The following DIS3L2 variants were observed in gnomAD, a reference collection of about 807,000 sequenced individuals.
DIS3L2 encodes DIS3-like exonuclease 2.
A neutral mutation model predicts 97.5 loss-of-function variants in DIS3L2; 34 were observed. The observed-to-expected ratio is 0.35, with a 90% confidence interval of 0.27 to 0.46. DIS3L2 has a LOEUF of 0.46. DIS3L2 is among the 20% of genes least tolerant of loss of function. The pLI, the probability that DIS3L2 is intolerant of heterozygous loss-of-function variation, is 1.00. For missense variants in DIS3L2, 1,038 were observed against 1,146.0 expected, an observed-to-expected ratio of 0.91 and a Z score of 1.36; for synonymous variants, 435 against 445.2, an observed-to-expected ratio of 0.98 and a Z score of 0.29.
chr2:232,220,874 G>A (rs182267562), intron 10 of DIS3L2, among the ~76,000 whole-genome samples: 9 of 151,930 alleles, frequency 5.9e-5, no homozygotes, highest in Non-Finnish European at 1.0e-4. Context: ...AGGCTGAGGC[G>A]GGTGGATCAC....
At chr2:231,982,730 A>AGT (rs1160869023) in intron 1 of DIS3L2, among the ~76,000 whole-genome samples, 10 of 148,894 alleles carry the variant, frequency 6.7e-5, no homozygotes, top group Non-Finnish European at 4.4e-5. Flanking sequence ...CCCAGGCTGG[A>AGT]GTGTAGTGGC....
At position 232,343,617 on chromosome 2, in the gene DIS3L2, T is replaced by C. The variant is rs953060764; in HGVS notation, c.*42T>C. The C allele has an allele frequency of 3.2e-6, 5 of 1,563,230 alleles. No homozygotes were observed. In the South Asian group the frequency reaches 5.9e-5, roughly 18 times the overall value. ...CCTTGTGGCGGAGAAGGAAAGATTA[T>C]GGAAAGAAAGTAAACAGGTAAAGGC... On this transcript the variant is annotated 3_prime_UTR_variant, in exon 14 of 14. Transcript: ENST00000273009.
intron 4 of DIS3L2, among the ~76,000 whole-genome samples, chr2:232,026,241 A>C (rs1694652643): frequency 6.6e-6 from 1 of 152,096 alleles, no homozygotes; most frequent in African/African-American, 2.4e-5. Context: ...CATCAAGTAA[A>C]ATATATTATT....
intron 1 of DIS3L2, among the ~76,000 whole-genome samples, chr2:232,007,123 G>T (rs1694073135): frequency 6.6e-6 from 1 of 152,184 alleles, no homozygotes; most frequent in African/African-American, 2.4e-5. Context: ...TCTTACATTG[G>T]TTGTGTGCTA....
At position 232,293,011 on chromosome 2, in the gene DIS3L2, G is replaced by T. The variant is rs1196185461; in HGVS notation, c.1660-7029G>T. 6.6e-6 allele frequency among the ~76,000 whole-genome samples: 1 copy of T among 152,156 alleles called. No individual in the cohort carries two copies. The highest frequency in any genetic ancestry group is 1.5e-5 in the Non-Finnish European group (1 of 68,036). ...TCTGGAGAGAGAAAGACCTTGTGAA[G>T]TCTGAGTGGCTGCCATTCTTGCAGG... On this transcript the variant is annotated intron_variant, in intron 13 of 20. Transcript: ENST00000325385. This position sits in a 1 kb window ranked among gnomAD's most constrained non-coding sequence, Gnocchi z 4.6.
chr2:232,116,026 G>T (rs114851778), intron 6 of DIS3L2, among the ~76,000 whole-genome samples: 527 of 152,130 alleles, frequency 3.5e-3, no homozygotes, highest in African/African-American at 0.012. Flanking sequence ...ACAAAAATTA[G>T]CCTGGCATGG....
chr2:232,003,667 A>C (rs996493789), intron 1 of DIS3L2, among the ~76,000 whole-genome samples: 2 of 152,092 alleles, frequency 1.3e-5, no homozygotes, highest in Non-Finnish European at 2.9e-5. Flanking sequence ...TATCTGAAAA[A>C]TGTCTTTGTT....
rs547392606 is a variant in DIS3L2 at position 232,334,053 on chromosome 2, G to A, written c.2158+66G>A. On this transcript the variant is annotated intron_variant, in intron 17 of 20. Coordinates refer to ENST00000325385, the MANE Select transcript of DIS3L2 (RefSeq NM_152383.5). The stretch of plus-strand genomic sequence containing the variant: ...TCAGGGCTGCCCACCCCCACAGTGG[G>A]TGCTCAGTGGCCCAAGACCATTCTG... The A allele has an allele frequency of 6.5e-5, 100 of 1,545,462 alleles. 2 individuals are homozygous for A. The South Asian group carries it at 1.2e-3, about 19-fold the overall frequency.
intron 5 of DIS3L2, among the ~76,000 whole-genome samples, chr2:232,060,383 T>TAAAATTAAGA (rs1304028515): frequency 1.2e-4 from 19 of 152,268 alleles, no homozygotes; most frequent in Non-Finnish European, 2.9e-5. Flanking sequence ...AGATTTAAGT[T>TAAAATTAAGA]TTTAATCCAT....
chr2:232,067,611 A>T (rs1240096365), intron 5 of DIS3L2, among the ~76,000 whole-genome samples: 1 of 152,172 alleles, frequency 6.6e-6, no homozygotes, highest in Non-Finnish European at 1.5e-5. Flanking sequence ...GCAGTTGTTC[A>T]GTGTTATGCT....
intron 11 of DIS3L2, among the ~76,000 whole-genome samples, chr2:232,249,024 C>T (rs1693342845): frequency 6.6e-6 from 1 of 152,230 alleles, no homozygotes; most frequent in Non-Finnish European, 1.5e-5. Context: ...CTTACCAGTT[C>T]TCCTCACTTT....
chr2:232,117,948 C>T (rs1201692041), intron 6 of DIS3L2, among the ~76,000 whole-genome samples: 1 of 152,180 alleles, frequency 6.6e-6, no homozygotes, highest in Non-Finnish European at 1.5e-5. Flanking sequence ...GGATAGGGCC[C>T]TTCTGGGTCC....
chr2:232,135,031 G>A (rs1698319704), intron 7 of DIS3L2, among the ~76,000 whole-genome samples: 1 of 152,168 alleles, frequency 6.6e-6, no homozygotes, highest in Non-Finnish European at 1.5e-5. Flanking sequence ...CAAGCGAGCT[G>A]TGTGGTGGAT....
chr2:232,305,688 C>T (rs1226766172), intron 14 of DIS3L2, among the ~76,000 whole-genome samples: 3 of 152,128 alleles, frequency 2.0e-5, no homozygotes, highest in East Asian at 3.9e-4. Context: ...TGCGCAGTGG[C>T]TCACGCCTGT....
chr2:232,336,651 CGCCTGCCCCGCCT>C lies in DIS3L2; in HGVS notation c.*27_*39del. The C allele has an allele frequency of 6.5e-7, 1 of 1,541,398 alleles. No individual in the cohort carries two copies. ...GCTGAGCTCCACCAGCCGCCTGCCCCGCCTGCCCCGCCTGCCTGTCCCGCCACACTGGCTTTAG... is the reference window on the plus strand; with the variant it reads ...GCTGAGCTCCACCAGCCGCCTGCCCCGCCTGTCCCGCCACACTGGCTTTAG... On this transcript the variant is annotated 3_prime_UTR_variant, in exon 21 of 21. Coordinates refer to ENST00000325385, the MANE Select transcript of DIS3L2 (RefSeq NM_152383.5).
chr2:232,298,802 T>C (rs1694784639), intron 13 of DIS3L2, among the ~76,000 whole-genome samples: 2 of 152,242 alleles, frequency 1.3e-5, no homozygotes, highest in Non-Finnish European at 2.9e-5. Context: ...GCATTTGGAA[T>C]GTTAAAGCTG....
At position 232,333,875 on chromosome 2, in the gene DIS3L2, C is replaced by A. The variant is rs1256357226; in HGVS notation, c.2046C>A (p.Asp682Glu). The change falls in exon 17 of 21, where the codon GAC becomes GAA. Residue 682 changes from aspartate (D) to glutamate (E), a missense_variant. Asp to Glu is a conservative substitution (Grantham distance 45). Around this residue, in one of 3 missense-constraint regions of DIS3L2, gnomAD observed 813 missense variants for 880.1 expected, o/e 0.92. Coordinates refer to ENST00000325385, the MANE Select transcript of DIS3L2 (RefSeq NM_152383.5). Reference protein sequence around the residue: ...ALYFCSGLLQDPAQFRHYALN... With the variant: ...ALYFCSGLLQEPAQFRHYALN... Reference sequence around the variant, plus strand: ...ACTTCTGCTCGGGGCTGCTGCAGGACCCAGCGCAGTTCCGGCACTACGCGC... The same window carrying A: ...ACTTCTGCTCGGGGCTGCTGCAGGAACCAGCGCAGTTCCGGCACTACGCGC... 6.2e-7 allele frequency: 1 copy of A among 1,612,782 alleles called. No individual in the cohort carries two copies. The highest frequency in any genetic ancestry group is 2.2e-5 in the East Asian group (1 of 44,866).
chr2:232,335,668 G>A, intron 19 of DIS3L2, 105 bp from the exon 20 acceptor site: 1 of 1,317,546 alleles, frequency 7.6e-7, no homozygotes, highest in South Asian at 1.4e-5. Context: ...GGGTGGGCCA[G>A]GGCCGAGGGC....
At chr2:232,029,952 A>T (rs1553602126) in intron 4 of DIS3L2, 27 bp from the exon 5 acceptor site, 1 of 1,540,088 alleles carries the variant, frequency 6.5e-7, no homozygotes, top group Non-Finnish European at 8.8e-7. Flanking sequence ...TAAGCTCACT[A>T]TTGTTTTATT....
Sources: gnomAD v4.1 joint callset for allele counts (sites outside exome capture counted in the v4.1 genomes callset) on GRCh38, gnomAD v4.1.1 for gene constraint, gnomAD v4.1.1 regional missense constraint, Gnocchi (gnomAD v3.1) non-coding constraint, MANE v1.5 for transcripts, NCBI Gene and HGNC (gene_info 2026-07-23, HGNC 2026-07-21) for gene names.